CLEC16A: variants seen among roughly 807,000 people sequenced by gnomAD.
CLEC16A encodes C-type lectin domain containing 16A, also known as protein CLEC16A.
CLEC16A carries 51 observed loss-of-function variants against 109.5 expected under a neutral mutation model. That is an observed-to-expected ratio of 0.47 (90% CI 0.37 to 0.59). The LOEUF (loss-of-function observed/expected upper bound fraction) is 0.59. Ranked by LOEUF, CLEC16A falls within the 20% of genes least tolerant of loss-of-function variation. The pLI, the probability that CLEC16A is intolerant of heterozygous loss-of-function variation, is 0.00. For missense variants in CLEC16A, 1,339 were observed against 1,394.0 expected (o/e 0.96, Z 0.63); for synonymous variants, 673 against 564.2 (o/e 1.19, Z -2.73).
intron 22 of CLEC16A, among the ~76,000 whole-genome samples, chr16:11,130,169 A>G (rs1665367174): frequency 2.0e-5 from 3 of 152,188 alleles, no homozygotes; most frequent in Admixed American, 6.5e-5. Flanking sequence ...CTGCGTGGGA[A>G]CCTTCTGTGC....
In CLEC16A at chr16:10,971,223, C is replaced by G; in HGVS notation, c.591C>G (p.Val197=). 1 of 1,609,776 alleles carries G rather than the reference C, an allele frequency of 6.2e-7. No individual in the cohort carries two copies. Among genetic ancestry groups the G allele is most frequent in the Non-Finnish European group, 8.5e-7 (1 of 1,176,546 alleles). ...CTGTAAGAACCATAACTTTGAATGT[C>G]TATAAAGGTAAGTGTCCTCATGGGC... The part of the protein sequence containing the change: ...RIAVRTITLN[V]YKVSLDNQAM... Residue 197 remains valine (V), a synonymous_variant, in exon 5 of 24, where the codon GTC becomes GTG. Transcript: ENST00000409790.
chr16:11,018,882 C>T (rs1216900742), intron 11 of CLEC16A, among the ~76,000 whole-genome samples: 1 of 152,024 alleles, frequency 6.6e-6, no homozygotes, highest in Non-Finnish European at 1.5e-5. Context: ...TGGGGCCAGG[C>T]CGTGTGTTTG....
At chr16:10,994,302 T>C (rs2044204182) in intron 10 of CLEC16A, among the ~76,000 whole-genome samples, 1 of 152,222 alleles carries the variant, frequency 6.6e-6, no homozygotes, top group Non-Finnish European at 1.5e-5. Flanking sequence ...TTCATGCATG[T>C]TGGGCTTTGG....
intron 11 of CLEC16A, among the ~76,000 whole-genome samples, chr16:11,014,819 A>T (rs542555272): frequency 1.3e-5 from 2 of 152,320 alleles, no homozygotes; most frequent in East Asian, 3.9e-4. Context: ...CAGTGACAAC[A>T]GGGACAATTG....
chr16:11,178,171 T>C lies in CLEC16A; in HGVS notation c.2807-164T>C, dbSNP rs1005613874. 6.6e-6 allele frequency among the ~76,000 whole-genome samples: 1 copy of C among 152,226 alleles called. No individual in the cohort carries two copies. The highest frequency in any genetic ancestry group is 1.5e-5 in the Non-Finnish European group (1 of 68,042). On this transcript the variant is annotated intron_variant, in intron 23 of 23. Transcript: ENST00000409790. This position sits in a 1 kb window ranked among gnomAD's most constrained non-coding sequence, Gnocchi z 6.5. Reference sequence around the variant, plus strand: ...AAGTCAGACTGGATTTTGCAGGTTCTGTGTCCCCAAAAGGAGTGAGTGGAG... The same window carrying C: ...AAGTCAGACTGGATTTTGCAGGTTCCGTGTCCCCAAAAGGAGTGAGTGGAG...
At chr16:10,975,412 G>A (rs1351123168) in intron 7 of CLEC16A, among the ~76,000 whole-genome samples, 1 of 152,156 alleles carries the variant, frequency 6.6e-6, no homozygotes, top group Non-Finnish European at 1.5e-5. Context: ...TGCTATTTGA[G>A]TTTTAAACCT....
In CLEC16A at chr16:11,166,547, C is replaced by T. The variant is rs541806015; in HGVS notation, c.2801C>T (p.Pro934Leu). 152 of 1,595,586 alleles carry T rather than the reference C, an allele frequency of 9.5e-5. 3 individuals are homozygous for T. The South Asian group carries it at 1.6e-3, about 17-fold the overall frequency. Reference protein sequence around the residue: ...SSSTPSTAQSPADAPMSPELP... With the variant: ...SSSTPSTAQSLADAPMSPELP... ...TCCACCCCCTCCACAGCCCAGAGTCCAGCAGGTATTGGCCACGTGACTCAG... is the reference window on the plus strand; with the variant it reads ...TCCACCCCCTCCACAGCCCAGAGTCTAGCAGGTATTGGCCACGTGACTCAG... Residue 934 changes from proline to leucine, a missense_variant, in exon 23 of 24, where the codon CCA becomes CTA. Physicochemically the swap from Pro to Leu is moderately conservative, Grantham distance 98. Coordinates refer to ENST00000409790, the MANE Select transcript of CLEC16A (RefSeq NM_015226.3).
intron 22 of CLEC16A, among the ~76,000 whole-genome samples, chr16:11,149,115 C>A (rs1271470828): frequency 6.6e-6 from 1 of 152,024 alleles, no homozygotes; most frequent in African/African-American, 2.4e-5. Context: ...TTAGCAGAGG[C>A]CAGGGGAGGG....
intron 18 of CLEC16A, chr16:11,056,670 T>C (rs1328919684): frequency 2.6e-5 from 4 of 152,134 alleles, no homozygotes; most frequent in Non-Finnish European, 5.9e-5. Flanking sequence ...CTTGAGGAAA[T>C]AGAATATTTT....
intron 22 of CLEC16A, chr16:11,156,994 C>G: frequency 8.6e-7 from 1 of 1,167,708 alleles, no homozygotes; most frequent in Non-Finnish European, 1.1e-6. Flanking sequence ...GACCTTCACC[C>G]GACAGCAAAA....
chr16:10,945,625 A>G (rs1318744441), intron 1 of CLEC16A, among the ~76,000 whole-genome samples: 1 of 152,234 alleles, frequency 6.6e-6, no homozygotes, highest in East Asian at 1.9e-4. Flanking sequence ...CTGAGCCTCC[A>G]GATTCCCATT....
chr16:11,163,244 A>C (rs27908), intron 22 of CLEC16A, among the ~76,000 whole-genome samples: 1 of 152,050 alleles, frequency 6.6e-6, no homozygotes, highest in East Asian at 1.9e-4. Context: ...ATGTGTTGCC[A>C]CTTTGATTTG....
At chr16:11,058,885 G>T (rs1173541051) in intron 18 of CLEC16A, among the ~76,000 whole-genome samples, 1 of 152,172 alleles carries the variant, frequency 6.6e-6, no homozygotes, top group Non-Finnish European at 1.5e-5. Context: ...CTTGGACCTG[G>T]CTGTGATGGG....
In CLEC16A at chr16:11,166,473, C is replaced by T. The variant is rs751088371; in HGVS notation, c.2727C>T (p.Ser909=). The change falls in exon 23 of 24, where the codon AGC becomes AGT. Residue 909 remains serine (S), a synonymous_variant. Coordinates refer to ENST00000409790, the MANE Select transcript of CLEC16A (RefSeq NM_015226.3). ...QSPPSASGSP[S]GSGSTSHCDS... The stretch of plus-strand genomic sequence containing the variant: ...CACCCTCCGCCAGCGGGAGCCCCAG[C>T]GGCAGCGGGAGCACCAGCCACTGCG... The T allele has an allele frequency of 8.1e-6, 13 of 1,608,276 alleles. No individual in the cohort carries two copies. In the Admixed American group the frequency reaches 1.8e-4, roughly 23 times the overall value.
intron 10 of CLEC16A, among the ~76,000 whole-genome samples, chr16:10,984,226 T>C (rs1028736717): frequency 6.6e-6 from 1 of 152,142 alleles, no homozygotes; most frequent in African/African-American, 2.4e-5. Context: ...CCCCTGCCCT[T>C]CCACTGGTTT....
chr16:10,959,682 G>A (rs992804942), intron 2 of CLEC16A, among the ~76,000 whole-genome samples: 2 of 151,944 alleles, frequency 1.3e-5, no homozygotes, highest in African/African-American at 2.4e-5. Flanking sequence ...ATGAGCCACC[G>A]TGCCCAGCTG....
At chr16:11,094,121 T>C (rs191560525) in intron 19 of CLEC16A, among the ~76,000 whole-genome samples, 1 of 152,310 alleles carries the variant, frequency 6.6e-6, no homozygotes, top group African/African-American at 2.4e-5. Flanking sequence ...CTCTAAATCA[T>C]GCCCTGGTCT....
intron 3 of CLEC16A, among the ~76,000 whole-genome samples, chr16:10,964,242 C>T (rs916984105): frequency 1.2e-4 from 19 of 152,334 alleles, no homozygotes; most frequent in African/African-American, 4.6e-4. Flanking sequence ...TCCCGGTGAC[C>T]GCAAGTTGAC....
chr16:11,135,957 A>G (rs2053536204), intron 22 of CLEC16A: 1 of 152,360 alleles, frequency 6.6e-6, no homozygotes, highest in Non-Finnish European at 1.5e-5. Flanking sequence ...GAAGACACCA[A>G]GAAAAGATCG....
Sources: allele counts gnomAD v4.1 joint callset (sites outside exome capture counted in the v4.1 genomes callset), GRCh38; gene constraint gnomAD v4.1.1; non-coding constraint Gnocchi (gnomAD v3.1); transcripts MANE v1.5; gene names NCBI Gene and HGNC (gene_info 2026-07-23, HGNC 2026-07-21).